ARHGAP9: variants seen among roughly 807,000 people sequenced by gnomAD.
ARHGAP9 encodes the protein rho GTPase-activating protein 9.
ARHGAP9 carries 76 observed loss-of-function variants against 87.3 expected under a neutral mutation model. The ratio of observed to expected loss-of-function variants is 0.87; its 90% CI spans 0.72 to 1.05. ARHGAP9 has a LOEUF of 1.05. Among genes scored for constraint, ARHGAP9 ranks in the 50% least tolerant of loss-of-function variants. The pLI is 0.00. For synonymous variants in ARHGAP9, 382 were observed against 394.9 expected (o/e 0.97, Z 0.39); for missense variants, 941 against 960.5 (o/e 0.98, Z 0.27).
rs747896422 is a variant in ARHGAP9 at position 57,474,074 on chromosome 12, G to C, written c.1886C>G (p.Pro629Arg). Residue 629 changes from proline to arginine, a missense_variant, in exon 16 of 18, where the codon CCA (proline) becomes CGA (arginine). Transcript: ENST00000393791. Reference protein sequence around the residue: ...LRELPQPLVPPLLLPHFRAAL... With the variant: ...LRELPQPLVPRLLLPHFRAAL... ...AGCACGGAAATGGGGCAGCAGCAGTGGTGGCACCAGAGGCTGGGGCAGCTC... is the reference window on the plus strand; with the variant it reads ...AGCACGGAAATGGGGCAGCAGCAGTCGTGGCACCAGAGGCTGGGGCAGCTC... 37 of 1,613,952 alleles carry C rather than the reference G, an allele frequency of 2.3e-5. No individual in the cohort carries two copies. The highest frequency in any genetic ancestry group is 8.5e-6 in the Non-Finnish European group (10 of 1,180,002).
At chr12:57,478,879 A>C (rs1874622721) in intron 2 of ARHGAP9, 122 bp from the exon 3 acceptor site, 3 of 1,141,582 alleles carry the variant, frequency 2.6e-6, no homozygotes, top group Non-Finnish European at 3.7e-6. Flanking sequence ...GGAAAATGGC[A>C]TGAGACCTAG....
At chr12:57,481,179 C>T (rs1874965105), upstream of ARHGAP9, among the ~76,000 whole-genome samples, 1 of 152,152 alleles carries the variant, frequency 6.6e-6, no homozygotes, top group South Asian at 2.1e-4. Flanking sequence ...ATCCAAGTCT[C>T]TCCCATCTTT....
chr12:57,479,242 T>C lies in ARHGAP9; in HGVS notation c.165A>G (p.Arg55=), dbSNP rs947013084. 1.5e-5 allele frequency: 24 copies of C among 1,614,160 alleles called. No individual in the cohort carries two copies. The highest frequency in any genetic ancestry group is 1.8e-5 in the Non-Finnish European group (21 of 1,180,022). ...LAEGDRFLLL[R]KTNSDWWLAR... Reference sequence around the variant, plus strand: ...CCAACCACCAGTCGGAGTTGGTCTTTCGAAGCAGTAGGAACCTATCCCCTT... The same window carrying C: ...CCAACCACCAGTCGGAGTTGGTCTTCCGAAGCAGTAGGAACCTATCCCCTT... Residue 55 remains arginine (R), a synonymous_variant, in exon 2 of 18, where the codon CGA becomes CGG. Transcript: ENST00000393791.
intron 1 of ARHGAP9, chr12:57,488,329 C>A: frequency 1.2e-6 from 1 of 844,994 alleles, no homozygotes; most frequent in Non-Finnish European, 1.9e-6. Flanking sequence ...TCCTATTATC[C>A]TTGATCACTC....
intron 6 of ARHGAP9, 92 bp from the exon 7 acceptor site, chr12:57,476,743 C>G (rs931612368): frequency 1.9e-6 from 3 of 1,555,138 alleles, no homozygotes. Flanking sequence ...AGTGAAGTCC[C>G]TTAAAGTTGC....
At position 57,476,355 on chromosome 12, in the gene ARHGAP9, C is replaced by T. The variant is rs773742308; in HGVS notation, c.1116+9G>A. ...CCGCACCCATCCTGCGCCTCTCGCTCACACTCACCCAGCCTGAGGAGGGCG... is the reference window on the plus strand; with the variant it reads ...CCGCACCCATCCTGCGCCTCTCGCTTACACTCACCCAGCCTGAGGAGGGCG... On this transcript the variant is annotated intron_variant, in intron 8 of 17. Transcript: ENST00000393791. 6 of 1,613,456 alleles carry T rather than the reference C, an allele frequency of 3.7e-6. No homozygotes were observed. Among genetic ancestry groups the T allele is most frequent in the South Asian group, 1.1e-5 (1 of 91,038 alleles).
At chr12:57,485,392 C>T (rs1224892875) in intron 1 of ARHGAP9, among the ~76,000 whole-genome samples, 3 of 151,498 alleles carry the variant, frequency 2.0e-5, no homozygotes, top group African/African-American at 4.8e-5. Flanking sequence ...CCCGTCTTTA[C>T]TAAAAATACA....
intron 14 of ARHGAP9, 39 bp downstream of exon 14, chr12:57,474,587 A>G (rs760338083): frequency 1.2e-6 from 2 of 1,613,814 alleles, no homozygotes; most frequent in South Asian, 1.1e-5. Flanking sequence ...CTCAGGCAAG[A>G]CATTCTTAGT....
At chr12:57,477,033 A>C in intron 5 of ARHGAP9, 70 bp from the exon 6 acceptor site, 1 of 723,854 alleles carries the variant, frequency 1.4e-6, no homozygotes, top group Non-Finnish European at 2.0e-6. Context: ...AAGGAGGAAG[A>C]GGGGTGGGAT....
At chr12:57,473,748 G>A (rs773355117) in intron 16 of ARHGAP9, 40 bp from the exon 17 acceptor site, 1 of 1,569,418 alleles carries the variant, frequency 6.4e-7, no homozygotes, top group Non-Finnish European at 8.8e-7. Flanking sequence ...GTAAGGTTAG[G>A]GAAGGTGCTA....
chr12:57,486,063 C>T (rs1291898751), intron 1 of ARHGAP9, among the ~76,000 whole-genome samples: 1 of 152,264 alleles, frequency 6.6e-6, no homozygotes, highest in East Asian at 1.9e-4. Context: ...TTCTTATGGC[C>T]TAGCTTCAAA....
At chr12:57,488,504 C>A in intron 1 of ARHGAP9, 2 of 1,439,142 alleles carry the variant, frequency 1.4e-6, no homozygotes, top group South Asian at 2.5e-5. Flanking sequence ...ATCAGGCATC[C>A]CCCTCTGCTC....
rs1194836221 is a variant in ARHGAP9, at chr12:57,474,496, A to T, written c.1730-20T>A. The T allele has an allele frequency of 6.2e-7, 1 of 1,613,948 alleles. No homozygotes were observed. Among genetic ancestry groups the T allele is most frequent in the Non-Finnish European group, 8.5e-7 (1 of 1,180,026 alleles). On this transcript the variant is annotated intron_variant, in intron 14 of 17. Coordinates refer to ENST00000393791, the MANE Select transcript of ARHGAP9 (RefSeq NM_032496.4). ...CACGCTCTGCAACATGAATGAGGAG[A>T]GATCAGGAGCTAAGACATACACTTC...
chr12:57,472,337 G>A lies in ARHGAP9; in HGVS notation c.*180C>T, dbSNP rs951654176. The A allele has an allele frequency of 1.4e-6, 1 of 704,944 alleles. No individual in the cohort carries two copies. Among genetic ancestry groups the A allele is most frequent in the African/African-American group, 1.8e-5 (1 of 55,454 alleles). The allele number at this position is 704,944 out of a possible 1,614,324, so 43.7% of individuals were successfully genotyped here. On this transcript the variant is annotated 3_prime_UTR_variant, in exon 18 of 18. Coordinates refer to ENST00000393791, the MANE Select transcript of ARHGAP9 (RefSeq NM_032496.4). The stretch of plus-strand genomic sequence containing the variant: ...ACAGGGAACAAGAAGAGAAGCAGGG[G>A]TTAATCCACTCACTTTCCTCTTTAG...
At chr12:57,473,943 A>G (rs532993) in intron 16 of ARHGAP9, 99 bp downstream of exon 16, 1,460,681 of 1,463,030 alleles carry the variant, frequency 1, 729,191 homozygotes, top group East Asian at 1. Context: ...CCATCTCTAA[A>G]GTCAGAATGG....
rs572363282 is a variant in ARHGAP9 at position 57,478,509 on chromosome 12, C to T, written c.534+31G>A. 5 of 1,610,490 alleles carry T rather than the reference C, an allele frequency of 3.1e-6. No individual in the cohort carries two copies. The East Asian group carries it at 1.1e-4, about 36-fold the overall frequency. On this transcript the variant is annotated intron_variant, in intron 3 of 17. Transcript: ENST00000393791. Reference sequence around the variant, plus strand: ...GGTGCTGTCTGTCCTGTGCCTAGAACAGGGCCCAGCTCAGAAGAGCTGTGA... The same window carrying T: ...GGTGCTGTCTGTCCTGTGCCTAGAATAGGGCCCAGCTCAGAAGAGCTGTGA...
intron 6 of ARHGAP9, 30 bp from the exon 7 acceptor site, chr12:57,476,681 G>C (rs1479372542): frequency 3.7e-6 from 1 of 268,308 alleles, no homozygotes; most frequent in Non-Finnish European, 7.8e-6. Flanking sequence ...GGATCTGTAA[G>C]TCACCCTCGC....
chr12:57,482,658 T>C (rs991488159), upstream of ARHGAP9, among the ~76,000 whole-genome samples: 1 of 152,172 alleles, frequency 6.6e-6, no homozygotes, highest in Non-Finnish European at 1.5e-5. Flanking sequence ...TGATGCGTGA[T>C]AGTGCTACTG....
At chr12:57,475,800 C>T (rs1420494956) in intron 10 of ARHGAP9, 33 bp downstream of exon 10, 4 of 1,609,754 alleles carry the variant, frequency 2.5e-6, no homozygotes, top group Middle Eastern at 1.7e-4. Flanking sequence ...CCCGGCCGGT[C>T]GGAGCCTCCC....
Sources: gnomAD v4.1 joint callset for allele counts (sites outside exome capture counted in the v4.1 genomes callset) on GRCh38, gnomAD v4.1.1 for gene constraint, MANE v1.5 for transcripts, NCBI Gene and HGNC (gene_info 2026-07-23, HGNC 2026-07-21) for gene names.